The following TTC7B variants were observed in gnomAD, a reference collection of about 807,000 sequenced individuals.
TTC7B encodes the protein tetratricopeptide repeat protein 7B.
TTC7B carries 28 observed loss-of-function variants against 106.8 expected under a neutral mutation model. That is an observed-to-expected ratio of 0.26 (90% confidence interval 0.19 to 0.36). TTC7B has a LOEUF of 0.36. Ranked by LOEUF, TTC7B falls within the 10% of genes least tolerant of loss-of-function variation. The pLI is 1.00. For synonymous variants in TTC7B, 405 were observed against 430.6 expected, an observed-to-expected ratio of 0.94 and a Z score of 0.74; for missense variants, 862 against 1,076.4, an observed-to-expected ratio of 0.80 and a Z score of 2.79.
intron 13 of TTC7B, among the ~76,000 whole-genome samples, chr14:90,651,122 T>C (rs1358160982): frequency 1.3e-5 from 2 of 152,276 alleles, no homozygotes; most frequent in African/African-American, 2.4e-5. Context: ...AAAGTAGTTT[T>C]AAATTATCCA....
intron 14 of TTC7B, among the ~76,000 whole-genome samples, chr14:90,645,407 GAA>G (rs1377727513): frequency 6.6e-6 from 1 of 152,162 alleles, no homozygotes; most frequent in Non-Finnish European, 1.5e-5. Context: ...CCCGGGAGGT[GAA>G]ATGGCTTGGG....
intron 17 of TTC7B, among the ~76,000 whole-genome samples, chr14:90,604,584 C>T (rs1892564940): frequency 6.6e-6 from 1 of 152,110 alleles, no homozygotes; most frequent in South Asian, 2.1e-4. Flanking sequence ...GGCAGCAGTT[C>T]CCCTTAAGAG....
intron 4 of TTC7B, among the ~76,000 whole-genome samples, chr14:90,732,890 G>A (rs191628536): frequency 1.2e-3 from 180 of 152,130 alleles, no homozygotes; most frequent in Non-Finnish European, 1.6e-3. Flanking sequence ...TTCCTCCGAA[G>A]GGCCTTTTCT....
At chr14:90,700,293 C>T (rs778998779) in intron 5 of TTC7B, among the ~76,000 whole-genome samples, 6 of 152,150 alleles carry the variant, frequency 3.9e-5, no homozygotes, top group Non-Finnish European at 5.9e-5. Context: ...AACTTTCCTG[C>T]CCTTGTGCCT....
intron 18 of TTC7B, among the ~76,000 whole-genome samples, chr14:90,589,409 C>A (rs1309085117): frequency 2.0e-5 from 3 of 152,194 alleles, no homozygotes; most frequent in African/African-American, 7.2e-5. Flanking sequence ...TATGCACATC[C>A]TCCTGTGTGT....
rs1029758007 is a variant in TTC7B, at chr14:90,537,573, G to C, written c.*3795C>G. 6.6e-6 allele frequency: 1 copy of C among 152,232 alleles called. No individual in the cohort carries two copies. Among genetic ancestry groups the C allele is most frequent in the African/African-American group, 2.4e-5 (1 of 41,416 alleles). 9.4% of individuals were successfully genotyped at this position (152,232 alleles called of 1,614,324 possible). A position where few individuals can be genotyped will look rare whatever the true frequency, so the allele number is the denominator to read the frequency against. ...ACGAGGCCGCACCTGTGTGGCCCCT[G>C]TTAAACTTCTGACCTCTTCTCATCC... On this transcript the variant is annotated 3_prime_UTR_variant, in exon 20 of 20. Transcript: ENST00000328459.
At chr14:90,658,931 CAG>C (rs747047916) in intron 9 of TTC7B, among the ~76,000 whole-genome samples, 18 of 152,234 alleles carry the variant, frequency 1.2e-4, no homozygotes, top group African/African-American at 3.6e-4. Context: ...GGTCCCTGCA[CAG>C]AGTGACATGA....
chr14:90,718,374 A>AGCCACCG (rs1888743617), intron 5 of TTC7B, among the ~76,000 whole-genome samples: 1 of 152,338 alleles, frequency 6.6e-6, no homozygotes, highest in Non-Finnish European at 1.5e-5. Flanking sequence ...CACTTAATAA[A>AGCCACCG]GCCACCGTTA....
At chr14:90,723,217 T>G (rs1888962542) in intron 5 of TTC7B, among the ~76,000 whole-genome samples, 1 of 152,188 alleles carries the variant, frequency 6.6e-6, no homozygotes, top group South Asian at 2.1e-4. Flanking sequence ...CCATTTCCCT[T>G]ACCCTCTGTC....
intron 15 of TTC7B, among the ~76,000 whole-genome samples, chr14:90,633,936 G>A (rs1463909123): frequency 5.9e-5 from 9 of 151,912 alleles, no homozygotes; most frequent in South Asian, 2.1e-4. Context: ...GTGCAGTGGC[G>A]CGGTCTCAGC....
In TTC7B at chr14:90,541,174, G is replaced by GGCCTGTCTCTTATA; in HGVS notation, c.*193_*194insTATAAGAGACAGGC. The GGCCTGTCTCTTATA allele has an allele frequency of 4.1e-6, 2 of 490,856 alleles. No homozygotes were observed. Among genetic ancestry groups the GGCCTGTCTCTTATA allele is most frequent in the Admixed American group, 3.5e-5 (1 of 28,224 alleles). The allele number at this position is 490,856 out of a possible 1,614,324, so 30.4% of individuals were successfully genotyped here. A position where few individuals can be genotyped will look rare whatever the true frequency, so the allele number is the denominator to read the frequency against. On this transcript the variant is annotated 3_prime_UTR_variant, in exon 20 of 20. Coordinates refer to ENST00000328459, the MANE Select transcript of TTC7B (RefSeq NM_001010854.2). Reference sequence around the variant, plus strand: ...AGGTTCAGAAACTACCATTGGGCTGGCAAAAAAAACAAGAGAAACGCACAT... The same window carrying GGCCTGTCTCTTATA: ...AGGTTCAGAAACTACCATTGGGCTGGGCCTGTCTCTTATACAAAAAAAACAAGAGAAACGCACAT...
rs1889822462 is a variant in TTC7B at position 90,742,886 on chromosome 14, A to G, written c.576+1906T>C. ...ATGAGCCTCCTTTCTCCCAGCCGGG[A>G]GAAGACGGCTCCAAAGTGACAGGGC... is the stretch of plus-strand genomic sequence containing the variant. On this transcript the variant is annotated intron_variant, in intron 4 of 19. Coordinates refer to ENST00000328459, the MANE Select transcript of TTC7B (RefSeq NM_001010854.2). The surrounding 1 kb of genome is among the most constrained non-coding windows in gnomAD (Gnocchi z 4.1). 6.6e-6 allele frequency among the ~76,000 whole-genome samples: 1 copy of G among 152,140 alleles called. No individual in the cohort carries two copies. The highest frequency in any genetic ancestry group is 1.5e-5 in the Non-Finnish European group (1 of 68,034).
intron 15 of TTC7B, among the ~76,000 whole-genome samples, chr14:90,643,736 C>G (rs1229994923): frequency 6.6e-6 from 1 of 152,094 alleles, no homozygotes; most frequent in African/African-American, 2.4e-5. Context: ...GCGCCCGCCA[C>G]CACACCCAGC....
At chr14:90,815,144 C>T (rs2031098750) in intron 1 of TTC7B, among the ~76,000 whole-genome samples, 1 of 152,236 alleles carries the variant, frequency 6.6e-6, no homozygotes, top group Non-Finnish European at 1.5e-5. Flanking sequence ...GTTCAGCCAA[C>T]ATGTGCTCAC....
At chr14:90,800,111 C>T (rs751987979) in intron 1 of TTC7B, among the ~76,000 whole-genome samples, 1 of 152,076 alleles carries the variant, frequency 6.6e-6, no homozygotes, top group South Asian at 2.1e-4. Context: ...GGATTACAGG[C>T]GTGAGCCACC....
At chr14:90,593,378 T>C (rs955652856) in intron 18 of TTC7B, 108 bp downstream of exon 18, 3 of 1,418,578 alleles carry the variant, frequency 2.1e-6, no homozygotes, top group East Asian at 2.5e-5. Flanking sequence ...TAATGAGGGG[T>C]GTGGGCTAAA....
chr14:90,699,165 C>T (rs374111358), intron 5 of TTC7B: 6 of 455,828 alleles, frequency 1.3e-5, no homozygotes, highest in Non-Finnish European at 2.2e-5. Flanking sequence ...CACCTGGTTT[C>T]GTCCTGTTCT....
rs1349464037 is a variant in TTC7B at position 90,532,317 on chromosome 14, G to A, written c.*9051C>T. The A allele has an allele frequency of 6.6e-6, 1 of 152,186 alleles. No individual in the cohort carries two copies. Among genetic ancestry groups the A allele is most frequent in the Non-Finnish European group, 1.5e-5 (1 of 68,040 alleles). 9.4% of individuals were successfully genotyped at this position (152,186 alleles called of 1,614,324 possible). ...GAAACTCTGGAGATAATTTAAAGTTGATCCCCTATTTGTACATTACAGGAT... is the reference window on the plus strand; with the variant it reads ...GAAACTCTGGAGATAATTTAAAGTTAATCCCCTATTTGTACATTACAGGAT... On this transcript the variant is annotated 3_prime_UTR_variant, in exon 20 of 20. Coordinates refer to ENST00000328459, the MANE Select transcript of TTC7B (RefSeq NM_001010854.2).
intron 3 of TTC7B, among the ~76,000 whole-genome samples, chr14:90,762,874 AAAC>A (rs1358488157): frequency 1.3e-5 from 2 of 152,230 alleles, no homozygotes; most frequent in African/African-American, 4.8e-5. Context: ...AAATCTATTA[AAAC>A]AACAGGGTAA....
Sources: allele counts gnomAD v4.1 joint callset (sites outside exome capture counted in the v4.1 genomes callset), GRCh38; gene constraint gnomAD v4.1.1; non-coding constraint Gnocchi (gnomAD v3.1); transcripts MANE v1.5; gene names NCBI Gene and HGNC (gene_info 2026-07-23, HGNC 2026-07-21).